VSNL1: variants seen among roughly 807,000 people sequenced by gnomAD.
VSNL1 encodes the protein visinin-like protein 1.
Under a neutral mutation model 20.4 loss-of-function variants are expected in VSNL1, and 6 were observed. The observed-to-expected ratio is 0.29, with a 90% confidence interval of 0.16 to 0.58. The LOEUF (loss-of-function observed/expected upper bound fraction) is 0.58. VSNL1 is among the 20% of genes least tolerant of loss of function. The pLI is 0.90. For missense variants in VSNL1, 100 were observed against 234.5 expected (o/e 0.43, Z 3.75); for synonymous variants, 93 against 86.4 (o/e 1.08, Z -0.42).
At chr2:17,560,119 A>C (rs2103347070) in intron 1 of VSNL1, among the ~76,000 whole-genome samples, 1 of 151,734 alleles carries the variant, frequency 6.6e-6, no homozygotes, top group East Asian at 1.9e-4. Context: ...AAAGAAAGAC[A>C]AAGTGCTTAT....
At chr2:17,627,138 GCCCGT>G (rs2103408419) in intron 2 of VSNL1, among the ~76,000 whole-genome samples, 1 of 152,170 alleles carries the variant, frequency 6.6e-6, no homozygotes, top group East Asian at 1.9e-4. Flanking sequence ...CCACATCACA[GCCCGT>G]GGCTGCCTCA....
At chr2:17,553,519 G>C (rs545225205) in intron 1 of VSNL1, among the ~76,000 whole-genome samples, 1 of 152,206 alleles carries the variant, frequency 6.6e-6, no homozygotes, top group South Asian at 2.1e-4. Context: ...ATTTGAGTTT[G>C]CTTTGTTTTC....
At chr2:17,609,602 G>A (rs780115678) in intron 2 of VSNL1, among the ~76,000 whole-genome samples, 12 of 152,180 alleles carry the variant, frequency 7.9e-5, no homozygotes, top group Non-Finnish European at 1.5e-4. Context: ...GCCCTAACAA[G>A]CAGGAATGGA....
intron 2 of VSNL1, among the ~76,000 whole-genome samples, chr2:17,642,607 C>T (rs1388239640): frequency 4.6e-5 from 7 of 152,128 alleles, no homozygotes; most frequent in Non-Finnish European, 7.4e-5. Flanking sequence ...TGCGCCCAGC[C>T]GGTGAGCATT....
At chr2:17,622,584 GAA>G (rs1442471531) in intron 2 of VSNL1, among the ~76,000 whole-genome samples, 1 of 128,016 alleles carries the variant, frequency 7.8e-6, no homozygotes, top group South Asian at 2.5e-4. Context: ...AAGAAAGAAA[GAA>G]AGAAAGAAAG....
chr2:17,550,767 A>G lies in VSNL1; in HGVS notation c.-6+9849A>G, dbSNP rs564347165. ...TCATGAACAGAGATGAGTTCTCTTC[A>G]AGGACTATGGAAATCACTTTGCAAG... is the stretch of plus-strand genomic sequence containing the variant. On this transcript the variant is annotated intron_variant, in intron 1 of 3. Transcript: ENST00000295156. Among the ~76,000 whole-genome samples the G allele has an allele frequency of 8.5e-5, 13 of 152,304 alleles. No homozygotes were observed. The East Asian group carries it at 2.3e-3, about 27-fold the overall frequency.
chr2:17,589,238 C>G (rs1439339273), intron 1 of VSNL1, among the ~76,000 whole-genome samples: 3 of 152,120 alleles, frequency 2.0e-5, no homozygotes, highest in East Asian at 3.8e-4. Flanking sequence ...ATCCTGGAAT[C>G]TATAATAGTT....
intron 2 of VSNL1, among the ~76,000 whole-genome samples, chr2:17,645,305 C>G (rs1665968975): frequency 6.6e-6 from 1 of 152,238 alleles, no homozygotes; most frequent in Non-Finnish European, 1.5e-5. Flanking sequence ...TTGTGCCCAC[C>G]CCACCCCCAC....
At chr2:17,575,575 G>A (rs978607339) in intron 1 of VSNL1, among the ~76,000 whole-genome samples, 3 of 149,732 alleles carry the variant, frequency 2.0e-5, no homozygotes, top group East Asian at 2.0e-4. Context: ...TCACACTGTC[G>A]CCCAGGCTGG....
At chr2:17,552,408 C>T (rs1663565443) in intron 1 of VSNL1, among the ~76,000 whole-genome samples, 1 of 146,358 alleles carries the variant, frequency 6.8e-6, no homozygotes, top group African/African-American at 2.5e-5. Flanking sequence ...AAACCCAAAA[C>T]CCTCTTGTTC....
intron 2 of VSNL1, among the ~76,000 whole-genome samples, chr2:17,617,670 G>T (rs1187746113): frequency 1.3e-5 from 2 of 152,050 alleles, no homozygotes; most frequent in East Asian, 3.9e-4. Flanking sequence ...TGGTGCTGCC[G>T]AGAGCTGGGT....
In VSNL1 at chr2:17,585,579, A is replaced by G. The variant is rs1228021359; in HGVS notation, c.-5-6491A>G. 2.8e-5 allele frequency among the ~76,000 whole-genome samples: 4 copies of G among 144,780 alleles called. No homozygotes were observed. In the East Asian group the frequency reaches 8.4e-4, roughly 30 times the overall value. 95.0% of individuals were successfully genotyped at this position (144,780 alleles called of 152,430 possible). A position where few individuals can be genotyped will look rare whatever the true frequency, so the allele number is the denominator to read the frequency against. On this transcript the variant is annotated intron_variant, in intron 1 of 3. Coordinates refer to ENST00000295156, the MANE Select transcript of VSNL1 (RefSeq NM_003385.5). ...CTTACAAGCTTTGAGTGTTAGACAC[A>G]GGGACAGCATGCTGTGGGGGTGGGG...
intron 1 of VSNL1, among the ~76,000 whole-genome samples, chr2:17,555,132 T>A (rs1438243488): frequency 6.6e-6 from 1 of 152,214 alleles, no homozygotes; most frequent in Non-Finnish European, 1.5e-5. Context: ...AATTTGAATG[T>A]AAGTTTGCTG....
At position 17,567,535 on chromosome 2, in the gene VSNL1, T is replaced by G. The variant is rs191673292; in HGVS notation, c.-5-24535T>G. ...CACTACGCCAGGCTAATTTTTTTTG[T>G]ATTTTTAGTAGAGACGGGGTTTCAC... is the stretch of plus-strand genomic sequence containing the variant. On this transcript the variant is annotated intron_variant, in intron 1 of 3. Transcript: ENST00000295156. 3.7e-3 allele frequency: 565 copies of G among 152,144 alleles called. 1 individual carries two copies. The highest frequency in any genetic ancestry group is 0.017 in the Middle Eastern group (5 of 296). 9.4% of individuals were successfully genotyped at this position (152,144 alleles called of 1,614,324 possible). A position where few individuals can be genotyped will look rare whatever the true frequency, so the allele number is the denominator to read the frequency against.
intron 2 of VSNL1, among the ~76,000 whole-genome samples, chr2:17,627,335 G>C (rs1482551564): frequency 1.3e-5 from 2 of 152,176 alleles, no homozygotes; most frequent in Non-Finnish European, 2.9e-5. Context: ...TTTTCACCTT[G>C]GTAGTTTGCC....
chr2:17,604,944 T>G (rs1408787743), intron 2 of VSNL1, among the ~76,000 whole-genome samples: 1 of 152,202 alleles, frequency 6.6e-6, no homozygotes, highest in Non-Finnish European at 1.5e-5. Flanking sequence ...CAGCTTGGAA[T>G]ACGTGTTAAG....
At chr2:17,625,389 C>A (rs1665485184) in intron 2 of VSNL1, among the ~76,000 whole-genome samples, 1 of 152,162 alleles carries the variant, frequency 6.6e-6, no homozygotes, top group Admixed American at 6.5e-5. Context: ...AATCTCTACT[C>A]CTGAACATAC....
intron 2 of VSNL1, among the ~76,000 whole-genome samples, chr2:17,644,643 G>A (rs549483734): frequency 1.3e-5 from 2 of 152,210 alleles, no homozygotes; most frequent in African/African-American, 4.8e-5. Flanking sequence ...CCTCATGCCA[G>A]TTACTTACCC....
chr2:17,616,480 A>G (rs1665219090), intron 2 of VSNL1, among the ~76,000 whole-genome samples: 2 of 152,238 alleles, frequency 1.3e-5, no homozygotes, highest in African/African-American at 2.4e-5. Context: ...GACGAGTCCT[A>G]CAAAGAAGAG....
Sources: gnomAD v4.1 joint callset for allele counts (sites outside exome capture counted in the v4.1 genomes callset) on GRCh38, gnomAD v4.1.1 for gene constraint, MANE v1.5 for transcripts, NCBI Gene and HGNC (gene_info 2026-07-23, HGNC 2026-07-21) for gene names.